FHOD3: variants seen among roughly 807,000 people sequenced by gnomAD.
FHOD3 encodes the protein formin homology 2 domain containing 3.
A neutral mutation model predicts 173.0 loss-of-function variants in FHOD3; 90 were observed. The observed-to-expected ratio is 0.52, with a 90% CI of 0.44 to 0.62. The LOEUF (loss-of-function observed/expected upper bound fraction) is 0.62, where lower values mean the gene tolerates loss of function less well. Among genes scored for constraint, FHOD3 ranks in the 20% least tolerant of loss-of-function variants. The pLI is 0.00. For synonymous variants in FHOD3, 828 were observed against 823.0 expected, an observed-to-expected ratio of 1.01 and a Z score of -0.10; for missense variants, 1,945 against 2,034.7, an observed-to-expected ratio of 0.96 and a Z score of 0.85.
rs1213212054 is a variant in FHOD3, at chr18:36,649,384, C to T, written c.1265C>T (p.Ala422Val). Residue 422 changes from alanine to valine, a missense_variant, in exon 11 of 29, where the codon GCT (alanine) becomes GTT (valine). Ala to Val is a moderately conservative substitution (Grantham distance 64). Coordinates refer to ENST00000590592, the MANE Select transcript of FHOD3 (RefSeq NM_001281740.3). Reference sequence around the variant, plus strand: ...TCCGAAGAAGAGAGAGAGGATGATGCTTCCTGTCAGGGCAAGGACAGGTAC... The same window carrying T: ...TCCGAAGAAGAGAGAGAGGATGATGTTTCCTGTCAGGGCAAGGACAGGTAC... ...PSSEEEREDD[A>V]SCQGKDSKVG... 1 of 1,535,646 alleles carries T rather than the reference C, an allele frequency of 6.5e-7. No individual in the cohort carries two copies. The highest frequency in any genetic ancestry group is 8.7e-7 in the Non-Finnish European group (1 of 1,146,656).
intron 5 of FHOD3, among the ~76,000 whole-genome samples, chr18:36,552,437 T>A (rs1221507433): frequency 6.6e-6 from 1 of 152,192 alleles, no homozygotes; most frequent in Non-Finnish European, 1.5e-5. Flanking sequence ...TCATGTCATC[T>A]GCAAACAGGG....
At chr18:36,545,294 GTAA>G (rs1357079166) in intron 5 of FHOD3, among the ~76,000 whole-genome samples, 1 of 152,226 alleles carries the variant, frequency 6.6e-6, no homozygotes, top group Non-Finnish European at 1.5e-5. Flanking sequence ...AAGGATATAT[GTAA>G]TAATGACAGC....
chr18:36,360,579 A>G (rs73949450), intron 2 of FHOD3, among the ~76,000 whole-genome samples: 1,708 of 152,280 alleles, frequency 0.011, 36 homozygotes, highest in African/African-American at 0.039. Context: ...GCAGGGGTAC[A>G]TGGGTCCTGC....
chr18:36,377,672 G>A (rs1275496313), intron 3 of FHOD3, among the ~76,000 whole-genome samples: 8 of 152,126 alleles, frequency 5.3e-5, no homozygotes, highest in Non-Finnish European at 5.9e-5. Flanking sequence ...TGGCCCCTCT[G>A]GGTGCTTGCT....
chr18:36,533,439 G>C (rs1192729738), intron 5 of FHOD3, among the ~76,000 whole-genome samples: 1 of 152,228 alleles, frequency 6.6e-6, no homozygotes, highest in Admixed American at 6.5e-5. Context: ...TCTTCAAGGG[G>C]CATGCTGCTG....
chr18:36,429,783 C>T lies in FHOD3; in HGVS notation c.337+57039C>T, dbSNP rs190440615. On this transcript the variant is annotated intron_variant, in intron 3 of 28. Transcript: ENST00000590592. ...GGGGAGAGGCCTCCACTGTTCCTTG[C>T]GCCACCCAGAAGATAGCATGAAACT... Among the ~76,000 whole-genome samples, 124 of 152,124 alleles carry T rather than the reference C, an allele frequency of 8.2e-4. 1 individual carries two copies. The highest frequency in any genetic ancestry group is 2.6e-3 in the African/African-American group (109 of 41,504).
chr18:36,429,868 G>T (rs2050439852), intron 3 of FHOD3, among the ~76,000 whole-genome samples: 1 of 152,168 alleles, frequency 6.6e-6, no homozygotes, highest in Non-Finnish European at 1.5e-5. Context: ...AGCAGGCCTG[G>T]TGAGAGCAGA....
intron 2 of FHOD3, among the ~76,000 whole-genome samples, chr18:36,365,556 G>A (rs2046858960): frequency 6.6e-6 from 1 of 152,102 alleles, no homozygotes; most frequent in African/African-American, 2.4e-5. Context: ...GAAGGTTTGG[G>A]GGTGTTTTTG....
chr18:36,606,659 A>C (rs1311452336), intron 8 of FHOD3, among the ~76,000 whole-genome samples: 2 of 152,172 alleles, frequency 1.3e-5, no homozygotes, highest in Non-Finnish European at 2.9e-5. Context: ...CCAAATCCAG[A>C]GTCTCATCTG....
chr18:36,471,753 T>G (rs963505136), intron 3 of FHOD3, among the ~76,000 whole-genome samples: 3 of 152,232 alleles, frequency 2.0e-5, no homozygotes, highest in Non-Finnish European at 2.9e-5. Flanking sequence ...AATGCTTGTC[T>G]GTCTATCCAC....
intron 1 of FHOD3, among the ~76,000 whole-genome samples, chr18:36,340,470 A>G (rs1464040207): frequency 1.3e-5 from 2 of 151,974 alleles, no homozygotes; most frequent in Non-Finnish European, 2.9e-5. Flanking sequence ...CACTAGGCCT[A>G]ATTATTCCAG....
At chr18:36,676,776 A>C (rs1010118481) in intron 14 of FHOD3, among the ~76,000 whole-genome samples, 1 of 152,196 alleles carries the variant, frequency 6.6e-6, no homozygotes, top group Admixed American at 6.5e-5. Context: ...ATTTCTAGTG[A>C]AGATGAGCAT....
chr18:36,641,984 G>A (rs2035342032), intron 10 of FHOD3, among the ~76,000 whole-genome samples: 3 of 151,596 alleles, frequency 2.0e-5, no homozygotes, highest in East Asian at 1.9e-4. Context: ...AATAGAGGGA[G>A]ATAAAGCCCT....
chr18:36,626,596 GC>G (rs1192900395), intron 10 of FHOD3, among the ~76,000 whole-genome samples: 1 of 152,094 alleles, frequency 6.6e-6, no homozygotes, highest in Non-Finnish European at 1.5e-5. Flanking sequence ...TCCAGTCTCT[GC>G]CACCCAAATC....
intron 3 of FHOD3, among the ~76,000 whole-genome samples, chr18:36,489,193 A>T (rs1226474494): frequency 6.6e-6 from 1 of 152,126 alleles, no homozygotes; most frequent in Admixed American, 6.6e-5. Flanking sequence ...TTTCCTGTGG[A>T]TGCTACCAGG....
chr18:36,705,233 A>C (rs1006013315), intron 17 of FHOD3, among the ~76,000 whole-genome samples: 2 of 152,012 alleles, frequency 1.3e-5, no homozygotes, highest in Admixed American at 1.3e-4. Context: ...CCTGACAACC[A>C]CCCAAACCTC....
At chr18:36,712,068 G>C (rs2040198845) in intron 18 of FHOD3, among the ~76,000 whole-genome samples, 1 of 152,156 alleles carries the variant, frequency 6.6e-6, no homozygotes, top group Non-Finnish European at 1.5e-5. Flanking sequence ...CTCTTGCTGG[G>C]GTGGTGACAG....
At chr18:36,430,867 G>C (rs1464375906) in intron 3 of FHOD3, among the ~76,000 whole-genome samples, 1 of 152,080 alleles carries the variant, frequency 6.6e-6, no homozygotes, top group African/African-American at 2.4e-5. Context: ...TTATTGTTTT[G>C]AGTTATCAAA....
At chr18:36,375,275 T>C (rs184884826) in intron 3 of FHOD3, among the ~76,000 whole-genome samples, 1 of 152,354 alleles carries the variant, frequency 6.6e-6, no homozygotes, top group African/African-American at 2.4e-5. Flanking sequence ...TCTGTTGTTT[T>C]AGTCTTTGTT....
Sources: gnomAD v4.1 joint callset for allele counts (sites outside exome capture counted in the v4.1 genomes callset) on GRCh38, gnomAD v4.1.1 for gene constraint, MANE v1.5 for transcripts, NCBI Gene and HGNC (gene_info 2026-07-23, HGNC 2026-07-21) for gene names.